The following ANTXR2 variants were observed in gnomAD, a reference collection of about 807,000 sequenced individuals.
ANTXR2 encodes the protein ANTXR cell adhesion molecule 2.
In ANTXR2, 44 loss-of-function variants were observed where a neutral mutation model predicts 73.7. The ratio of observed to expected loss-of-function variants is 0.60; its 90% CI spans 0.47 to 0.77. ANTXR2 has a LOEUF of 0.77. ANTXR2 is among the 30% of genes least tolerant of loss of function. ANTXR2 has a pLI of 0.00. For synonymous variants in ANTXR2, 217 were observed against 205.9 expected (o/e 1.05, Z -0.46); for missense variants, 604 against 592.5 (o/e 1.02, Z -0.20).
chr4:79,964,780 C>G (rs1231808367), intron 16 of ANTXR2: 2 of 152,256 alleles, frequency 1.3e-5, no homozygotes, highest in African/African-American at 2.4e-5. Flanking sequence ...CCGCTGCCGC[C>G]GCTGCAAACA....
intron 11 of ANTXR2, among the ~76,000 whole-genome samples, chr4:80,014,357 A>G (rs1731739873): frequency 6.6e-6 from 1 of 152,028 alleles, no homozygotes; most frequent in African/African-American, 2.4e-5. Context: ...TCACAAGGTC[A>G]GGAGATTGAG....
At chr4:79,966,127 G>C (rs1578117747) in intron 16 of ANTXR2, among the ~76,000 whole-genome samples, 3 of 149,408 alleles carry the variant, frequency 2.0e-5, no homozygotes, top group South Asian at 2.1e-4. Context: ...CTAGGACTTA[G>C]ACACACACAC....
In ANTXR2 at chr4:80,072,427, A is replaced by C. The variant is rs886041401; in HGVS notation, c.134T>G (p.Leu45Arg). 1 of 1,605,050 alleles carries C rather than the reference A, an allele frequency of 6.2e-7. No homozygotes were observed. Among genetic ancestry groups the C allele is most frequent in the Non-Finnish European group, 8.5e-7 (1 of 1,176,208 alleles). The change falls in exon 1 of 17, where the codon CTC (leucine) becomes CGC (arginine). Residue 45 changes from leucine to arginine, a missense_variant. By Grantham distance (102) the Leu-to-Arg change is moderately radical. Coordinates refer to ENST00000403729, the MANE Select transcript of ANTXR2 (RefSeq NM_058172.6). ...CACTCACTTGTCCAGGACGAAGTAG[A>C]GATCAAAGGCTCTTCTGCAGGAGGG... is the stretch of plus-strand genomic sequence containing the variant. ...EQPSCRRAFD[L>R]YFVLDKSGSV...
intron 12 of ANTXR2, among the ~76,000 whole-genome samples, chr4:79,987,358 A>C (rs1730223333): frequency 6.6e-6 from 1 of 152,172 alleles, no homozygotes; most frequent in Non-Finnish European, 1.5e-5. Flanking sequence ...TTAATTACAA[A>C]ATAGATGAAG....
At chr4:80,026,589 A>AATAATTATCTACTAAATAATTTAGT (rs978943100) in intron 10 of ANTXR2, among the ~76,000 whole-genome samples, 18 of 152,024 alleles carry the variant, frequency 1.2e-4, no homozygotes, top group Admixed American at 1.2e-3. Context: ...TCATTGTCCA[A>AATAATTATCTACTAAATAATTTAGT]ATAATTATCT....
intron 10 of ANTXR2, among the ~76,000 whole-genome samples, chr4:80,019,509 C>G (rs1055695399): frequency 6.6e-6 from 1 of 152,192 alleles, no homozygotes; most frequent in Admixed American, 6.5e-5. Context: ...AACAGAAATA[C>G]AGGCATTAAG....
chr4:79,991,689 T>C (rs1192871952), intron 12 of ANTXR2, among the ~76,000 whole-genome samples: 1 of 151,796 alleles, frequency 6.6e-6, no homozygotes, highest in Non-Finnish European at 1.5e-5. Flanking sequence ...AGCAAAGACA[T>C]GGAATCAACC....
intron 7 of ANTXR2, among the ~76,000 whole-genome samples, chr4:80,048,026 C>A (rs970813282): frequency 6.6e-6 from 1 of 151,330 alleles, no homozygotes; most frequent in African/African-American, 2.4e-5. Context: ...TTCAAATATA[C>A]CATAACTACA....
chr4:80,003,913 A>G (rs1731177512), intron 12 of ANTXR2, among the ~76,000 whole-genome samples: 1 of 152,134 alleles, frequency 6.6e-6, no homozygotes, highest in South Asian at 2.1e-4. Context: ...GATGGCATTT[A>G]CCTAGAAAAA....
chr4:79,934,136 CAATAA>C (rs1424812342), intron 16 of ANTXR2, among the ~76,000 whole-genome samples: 1 of 152,064 alleles, frequency 6.6e-6, no homozygotes, highest in Non-Finnish European at 1.5e-5. Flanking sequence ...ATATAAAAAG[CAATAA>C]AATAGAGTTT....
intron 16 of ANTXR2, among the ~76,000 whole-genome samples, chr4:79,957,569 T>A (rs72871893): frequency 0.2 from 30,019 of 152,058 alleles, 4,950 homozygotes; most frequent in African/African-American, 0.45. Flanking sequence ...TATGTGTAAA[T>A]ACTAAAATAA....
chr4:80,061,691 G>C (rs1413437804), intron 3 of ANTXR2, among the ~76,000 whole-genome samples: 1 of 148,518 alleles, frequency 6.7e-6, no homozygotes, highest in African/African-American at 2.4e-5. Context: ...AATTCACTTA[G>C]AATTGTACTT....
chr4:79,910,828 G>C (rs78725217), intron 16 of ANTXR2, among the ~76,000 whole-genome samples: 2 of 152,052 alleles, frequency 1.3e-5, no homozygotes, highest in East Asian at 1.9e-4. Context: ...AAATAGATGA[G>C]AGTAGCACAG....
chr4:80,072,480 G>T lies in ANTXR2; in HGVS notation c.81C>A (p.Pro27=), dbSNP rs778204798. 5 of 1,609,956 alleles carry T rather than the reference G, an allele frequency of 3.1e-6. No individual in the cohort carries two copies. The African/African-American group carries it at 6.7e-5, about 22-fold the overall frequency. ...GCTCCTGGGCGCGCAGCAGCCCCCC[G>T]GGACCGCTGAGCACCAACAGCCACA... ...PGLWLLVLSG[P]GGLLRAQEQP... The change falls in exon 1 of 17, where the codon CCC becomes CCA. Residue 27 remains proline (P), a synonymous_variant. Coordinates refer to ENST00000403729, the MANE Select transcript of ANTXR2 (RefSeq NM_058172.6).
Position 79,904,208 on chromosome 4 carries a change from GTA to G in ANTXR2, c.*3219_*3220del, listed in dbSNP as rs1484318675. On this transcript the variant is annotated 3_prime_UTR_variant, in exon 17 of 17. Coordinates refer to ENST00000403729, the MANE Select transcript of ANTXR2 (RefSeq NM_058172.6). ...AACTTCACAGAAACACCCAAATCTT[GTA>G]TCTAGTAAGGATTTATTATAACAAA... 1 of 151,900 alleles carries G rather than the reference GTA, an allele frequency of 6.6e-6. No individual in the cohort carries two copies. Among genetic ancestry groups the G allele is most frequent in the African/African-American group, 2.4e-5 (1 of 41,368 alleles). 9.4% of individuals were successfully genotyped at this position (151,900 alleles called of 1,614,324 possible). A position where few individuals can be genotyped will look rare whatever the true frequency, so the allele number is the denominator to read the frequency against.
chr4:79,953,924 T>A (rs1477361032), intron 16 of ANTXR2, among the ~76,000 whole-genome samples: 1 of 152,166 alleles, frequency 6.6e-6, no homozygotes, highest in Non-Finnish European at 1.5e-5. Context: ...CATTTATATG[T>A]TGGCCTTTTC....
intron 14 of ANTXR2, among the ~76,000 whole-genome samples, chr4:79,982,974 A>G (rs1315821598): frequency 1.3e-5 from 2 of 152,154 alleles, no homozygotes; most frequent in African/African-American, 4.8e-5. Context: ...AATGTATAAA[A>G]GGAGAAAATT....
intron 7 of ANTXR2, among the ~76,000 whole-genome samples, chr4:80,046,196 C>G (rs1166330282): frequency 6.6e-6 from 1 of 151,748 alleles, no homozygotes; most frequent in African/African-American, 2.4e-5. Flanking sequence ...TGAACATACT[C>G]TCATATAATA....
At chr4:79,987,061 C>T (rs1190066472) in intron 12 of ANTXR2, among the ~76,000 whole-genome samples, 1 of 152,128 alleles carries the variant, frequency 6.6e-6, no homozygotes, top group Non-Finnish European at 1.5e-5. Flanking sequence ...AGAACCAGCA[C>T]AAGAATTCTG....
Sources: allele counts gnomAD v4.1 joint callset (sites outside exome capture counted in the v4.1 genomes callset), GRCh38; gene constraint gnomAD v4.1.1; transcripts MANE v1.5; gene names NCBI Gene and HGNC (gene_info 2026-07-23, HGNC 2026-07-21).